MYZAP: variants seen among roughly 807,000 people sequenced by gnomAD.
The protein encoded by MYZAP is myocardial zonula adherens protein.
In MYZAP, 66 loss-of-function variants were observed where a neutral mutation model predicts 69.4. The observed-to-expected ratio is 0.95, with a 90% CI of 0.78 to 1.17. MYZAP has a LOEUF of 1.17. Ranked by LOEUF, MYZAP falls within the 50% of genes most tolerant of loss-of-function variation. MYZAP has a pLI of 0.00. For synonymous variants in MYZAP, 256 were observed against 205.9 expected, an observed-to-expected ratio of 1.24 and a Z score of -2.09; for missense variants, 611 against 556.2, an observed-to-expected ratio of 1.10 and a Z score of -0.99.
At chr15:57,633,583 T>C in intron 7 of MYZAP, 30 bp from the exon 8 acceptor site, 1 of 1,600,826 alleles carries the variant, frequency 6.2e-7, no homozygotes, top group African/African-American at 1.3e-5. Flanking sequence ...ACTCCATGCC[T>C]GTACTTAGGA....
rs576913708 is a variant in MYZAP, at chr15:57,674,544, A to C, written c.1204-424A>C. Among the ~76,000 whole-genome samples, 18 of 152,356 alleles carry C rather than the reference A, an allele frequency of 1.2e-4. No homozygotes were observed. In the East Asian group the frequency reaches 3.5e-3, roughly 29 times the overall value. ...GGCTGTACCTTATTTATAATGGCAA[A>C]AACGTGATAAATATCTAAATGCCCA... On this transcript the variant is annotated intron_variant, in intron 11 of 12. Transcript: ENST00000267853.
intron 3 of MYZAP, among the ~76,000 whole-genome samples, chr15:57,618,503 C>G (rs570764301): frequency 2.0e-5 from 3 of 152,208 alleles, no homozygotes; most frequent in Middle Eastern, 3.4e-3. Flanking sequence ...ACTTACCAGT[C>G]CCACATTCAT....
chr15:57,639,457 A>C lies in MYZAP; in HGVS notation c.1031A>C (p.Glu344Ala), dbSNP rs1224591414. The C allele has an allele frequency of 1.2e-6, 2 of 1,613,936 alleles. No individual in the cohort carries two copies. Among genetic ancestry groups the C allele is most frequent in the South Asian group, 2.2e-5 (2 of 91,018 alleles). The stretch of plus-strand genomic sequence containing the variant: ...TGTGTTAGGTATCAGCAGTTGGAGG[A>C]GGCATCAGCCAGCCTCCGTGAGCGG... Reference protein sequence around the residue: ...SDKERYQQLEEASASLRERIR... With the variant: ...SDKERYQQLEAASASLRERIR... The change falls in exon 10 of 13, where the codon GAG becomes GCG. Residue 344 changes from glutamate (E) to alanine (A), a missense_variant. Coordinates refer to ENST00000267853, the MANE Select transcript of MYZAP (RefSeq NM_001018100.5).
intron 2 of MYZAP, among the ~76,000 whole-genome samples, chr15:57,616,772 T>G (rs1404471688): frequency 7.1e-6 from 1 of 141,606 alleles, no homozygotes; most frequent in Non-Finnish European, 1.5e-5. Flanking sequence ...ATCACGCCAC[T>G]ACACTGCAGC....
At chr15:57,651,906 T>G (rs1380738362) in intron 10 of MYZAP, among the ~76,000 whole-genome samples, 1 of 152,210 alleles carries the variant, frequency 6.6e-6, no homozygotes, top group Non-Finnish European at 1.5e-5. Flanking sequence ...CCTCTCCTTC[T>G]GGAGAAGTTG....
At chr15:57,600,723 C>T (rs1432695600) in intron 1 of MYZAP, among the ~76,000 whole-genome samples, 1 of 152,184 alleles carries the variant, frequency 6.6e-6, no homozygotes, top group African/African-American at 2.4e-5. Context: ...GGAAACAGGA[C>T]TGTGAGGCTA....
intron 8 of MYZAP, 36 bp from the exon 9 acceptor site, chr15:57,637,659 T>A (rs200107926): frequency 6.2e-7 from 1 of 1,601,844 alleles, no homozygotes; most frequent in East Asian, 2.2e-5. Flanking sequence ...AAACTTGGGA[T>A]CCATTGATTA....
chr15:57,677,158 C>G lies in MYZAP; in HGVS notation c.1304+2090C>G, dbSNP rs372397048. ...CTTCTTGGAACTGCCTTACTCTGAG[C>G]TGGGGCTCCTGGAGAGGCTTCGGGA... On this transcript the variant is annotated intron_variant, in intron 12 of 12. Transcript: ENST00000267853. 4.6e-5 allele frequency among the ~76,000 whole-genome samples: 7 copies of G among 152,322 alleles called. No homozygotes were observed. In the South Asian group the frequency reaches 8.3e-4, roughly 18 times the overall value.
At chr15:57,654,758 G>A (rs2037925834) in intron 10 of MYZAP, among the ~76,000 whole-genome samples, 1 of 152,092 alleles carries the variant, frequency 6.6e-6, no homozygotes. Flanking sequence ...AAGTTGAGAA[G>A]CCTCACAACT....
intron 5 of MYZAP, among the ~76,000 whole-genome samples, chr15:57,628,589 C>G (rs1333881321): frequency 1.3e-5 from 2 of 152,076 alleles, no homozygotes; most frequent in Non-Finnish European, 2.9e-5. Context: ...TTCAGTGCGG[C>G]CTGGAGCAAA....
chr15:57,648,509 C>T, intron 10 of MYZAP: 2 of 982,588 alleles, frequency 2.0e-6, no homozygotes, highest in Non-Finnish European at 2.4e-6. Context: ...TGTCAATCAT[C>T]TCTGGAAGGT....
At chr15:57,658,470 A>G (rs1404868489) in intron 10 of MYZAP, among the ~76,000 whole-genome samples, 1 of 152,160 alleles carries the variant, frequency 6.6e-6, no homozygotes, top group African/African-American at 2.4e-5. Flanking sequence ...GTTTACATTT[A>G]GTTATGTTTC....
intron 8 of MYZAP, among the ~76,000 whole-genome samples, 157 bp downstream of exon 8, chr15:57,633,898 C>T (rs1390851238): frequency 2.0e-5 from 3 of 151,842 alleles, no homozygotes; most frequent in Non-Finnish European, 4.4e-5. Flanking sequence ...TAAGGAAGTC[C>T]AACAACGTTC....
intron 5 of MYZAP, among the ~76,000 whole-genome samples, chr15:57,626,926 A>G (rs1365546252): frequency 6.6e-6 from 1 of 151,842 alleles, no homozygotes; most frequent in African/African-American, 2.4e-5. Flanking sequence ...GGCTCTCTTG[A>G]GTGTATGCCA....
intron 2 of MYZAP, among the ~76,000 whole-genome samples, chr15:57,614,374 A>T (rs1312903903): frequency 2.0e-5 from 3 of 152,252 alleles, no homozygotes; most frequent in Admixed American, 6.5e-5. Context: ...AAGGATACTG[A>T]CATACACCAA....
intron 12 of MYZAP, among the ~76,000 whole-genome samples, chr15:57,676,108 C>T (rs1226593624): frequency 1.3e-5 from 2 of 152,112 alleles, no homozygotes; most frequent in Admixed American, 1.3e-4. Context: ...AGGTTCTTCA[C>T]TGGGGCCTCG....
intron 10 of MYZAP, among the ~76,000 whole-genome samples, chr15:57,645,274 A>G (rs1250430181): frequency 6.6e-6 from 1 of 152,206 alleles, no homozygotes; most frequent in East Asian, 1.9e-4. Context: ...CCTTGGGGGA[A>G]ACAAACTGGA....
At chr15:57,621,068 C>G (rs1335116937) in intron 3 of MYZAP, among the ~76,000 whole-genome samples, 1 of 147,128 alleles carries the variant, frequency 6.8e-6, no homozygotes, top group Non-Finnish European at 1.5e-5. Flanking sequence ...AAAATATATA[C>G]ATAATAAAAT....
chr15:57,597,546 A>G (rs1046586401), intron 1 of MYZAP, among the ~76,000 whole-genome samples: 1 of 151,830 alleles, frequency 6.6e-6, no homozygotes. Flanking sequence ...GAGTCCTCGC[A>G]CTCCAAGTCA....
Sources: allele counts gnomAD v4.1 joint callset (sites outside exome capture counted in the v4.1 genomes callset), GRCh38; gene constraint gnomAD v4.1.1; transcripts MANE v1.5; gene names NCBI Gene and HGNC (gene_info 2026-07-23, HGNC 2026-07-21).